ZNF254: variants seen among roughly 807,000 people sequenced by gnomAD.
ZNF254 encodes zinc finger protein 254.
In ZNF254, 10 loss-of-function variants were observed where a neutral mutation model predicts 12.4. That is an observed-to-expected ratio of 0.80 (90% CI 0.50 to 1.36). ZNF254 has a LOEUF of 1.36. ZNF254 is among the 40% of genes most tolerant of loss of function. ZNF254 has a pLI of 0.00. For synonymous variants in ZNF254, 305 were observed against 253.4 expected, an observed-to-expected ratio of 1.20 and a Z score of -1.93; for missense variants, 996 against 763.9, an observed-to-expected ratio of 1.30 and a Z score of -3.58.
At chr19:24,107,818 G>C (rs1027316058) in intron 3 of ZNF254, among the ~76,000 whole-genome samples, 10 of 152,114 alleles carry the variant, frequency 6.6e-5, no homozygotes, top group Admixed American at 3.9e-4. Context: ...TGTTTTTGTT[G>C]GGCCCCCAGA....
intron 2 of ZNF254, among the ~76,000 whole-genome samples, chr19:24,068,440 A>G (rs1971359554): frequency 6.6e-6 from 1 of 152,122 alleles, no homozygotes; most frequent in Non-Finnish European, 1.5e-5. Flanking sequence ...AGCTGGGATT[A>G]CAGGCATGCA....
intron 1 of ZNF254, among the ~76,000 whole-genome samples, chr19:24,102,899 CAAT>C (rs1367674664): frequency 6.6e-6 from 1 of 152,032 alleles, no homozygotes; most frequent in Non-Finnish European, 1.5e-5. Context: ...TTAAAAAACT[CAAT>C]GATAAACAGA....
chr19:24,072,132 A>C (rs964058914), intron 2 of ZNF254, among the ~76,000 whole-genome samples: 3 of 151,470 alleles, frequency 2.0e-5, no homozygotes, highest in African/African-American at 7.3e-5. Context: ...CACTGGACCC[A>C]GCATCTGGTG....
intron 3 of ZNF254, chr19:24,107,051 T>G: frequency 2.3e-6 from 1 of 438,032 alleles, no homozygotes; most frequent in Non-Finnish European, 3.9e-6. Flanking sequence ...TTATATTGGG[T>G]TTTTTCTTTT....
At chr19:24,085,729 G>A (rs1038523458), upstream of ZNF254, among the ~76,000 whole-genome samples, 9 of 151,462 alleles carry the variant, frequency 5.9e-5, no homozygotes, top group African/African-American at 1.7e-4. Flanking sequence ...CCAAGATTGC[G>A]CCACTGCACT....
At chr19:24,057,300 C>T (rs1441259012) in intron 2 of ZNF254, among the ~76,000 whole-genome samples, 1 of 152,206 alleles carries the variant, frequency 6.6e-6, no homozygotes, top group East Asian at 1.9e-4. Context: ...GAAATTGTGA[C>T]TGTCATATGT....
In ZNF254 at chr19:24,113,964, T is replaced by C. The variant is rs562402874; in HGVS notation, c.253+7321T>C. On this transcript the variant is annotated intron_variant, in intron 3 of 3. Transcript: ENST00000357002. ...AGAATAAAATACCTAGGAATCCAAC[T>C]TACAAGGGATGTGGAGGACCTCTTC... Among the ~76,000 whole-genome samples, 308 of 152,096 alleles carry C rather than the reference T, an allele frequency of 2.0e-3. 1 individual carries two copies. The highest frequency in any genetic ancestry group is 7.2e-3 in the African/African-American group (299 of 41,480).
chr19:24,094,717 C>T, intron 1 of ZNF254, among the ~76,000 whole-genome samples: 1 of 151,146 alleles, frequency 6.6e-6, no homozygotes. Context: ...GATAGAGTCT[C>T]ACTTTGTCTC....
intron 2 of ZNF254, chr19:24,065,491 G>A (rs1376836960): frequency 2.6e-5 from 4 of 152,188 alleles, no homozygotes; most frequent in African/African-American, 9.6e-5. Flanking sequence ...ACTTGGCCAA[G>A]CACACAGATG....
At chr19:24,107,314 ACTTATT>A (rs1973407599) in intron 3 of ZNF254, 1 of 516,272 alleles carries the variant, frequency 1.9e-6, no homozygotes, top group African/African-American at 2.0e-5. Flanking sequence ...GTTTCATAAT[ACTTATT>A]CTTTCAATAG....
intron 2 of ZNF254, among the ~76,000 whole-genome samples, chr19:24,064,881 C>G (rs1193774211): frequency 6.6e-6 from 1 of 152,156 alleles, no homozygotes; most frequent in Non-Finnish European, 1.5e-5. Context: ...ATGAGACTTT[C>G]CTGTGTGGGC....
chr19:24,045,472 A>G, intron 1 of ZNF254, among the ~76,000 whole-genome samples: 1 of 151,914 alleles, frequency 6.6e-6, no homozygotes. Flanking sequence ...GATCGAGATC[A>G]TCCTGGCTAA....
At chr19:24,112,828 TA>T in intron 3 of ZNF254, among the ~76,000 whole-genome samples, 1 of 151,878 alleles carries the variant, frequency 6.6e-6, no homozygotes, top group East Asian at 1.9e-4. Flanking sequence ...ATAGATGCAA[TA>T]AAAAATGATA....
chr19:24,054,261 A>G (rs1315656364), intron 2 of ZNF254, among the ~76,000 whole-genome samples: 2 of 152,148 alleles, frequency 1.3e-5, no homozygotes, highest in Non-Finnish European at 2.9e-5. Flanking sequence ...CCCTCGGGGA[A>G]GATTGTGAGA....
chr19:24,043,214 AT>A (rs1970243489), intron 1 of ZNF254, among the ~76,000 whole-genome samples: 1 of 152,288 alleles, frequency 6.6e-6, no homozygotes, highest in East Asian at 1.9e-4. Flanking sequence ...TATATAGCTA[AT>A]ATGTCATCTT....
intron 1 of ZNF254, among the ~76,000 whole-genome samples, chr19:24,045,541 G>A (rs1970347043): frequency 1.3e-5 from 2 of 151,796 alleles, no homozygotes; most frequent in Non-Finnish European, 2.9e-5. Context: ...TGGTGGCGGC[G>A]TCTGTAGTCC....
intron 1 of ZNF254, among the ~76,000 whole-genome samples, chr19:24,093,575 T>C (rs1473764734): frequency 6.6e-6 from 1 of 152,208 alleles, no homozygotes; most frequent in Non-Finnish European, 1.5e-5. Context: ...TTGTCACCTT[T>C]GTTAAAGATC....
chr19:24,088,346 AT>A (rs569552856), intron 1 of ZNF254, among the ~76,000 whole-genome samples: 38 of 150,078 alleles, frequency 2.5e-4, no homozygotes, highest in African/African-American at 8.8e-4. Flanking sequence ...TTGAGTTTAG[AT>A]TTTTTTTTTA....
chr19:24,094,758 C>T (rs949221206), intron 1 of ZNF254, among the ~76,000 whole-genome samples: 6 of 151,982 alleles, frequency 3.9e-5, no homozygotes, highest in Non-Finnish European at 7.4e-5. Context: ...ACAATCTCGG[C>T]GCTCTGCAGC....
Sources: allele counts gnomAD v4.1 joint callset (sites outside exome capture counted in the v4.1 genomes callset), GRCh38; gene constraint gnomAD v4.1.1; transcripts MANE v1.5; gene names NCBI Gene and HGNC (gene_info 2026-07-23, HGNC 2026-07-21).